L3MBTL4: variants seen among roughly 807,000 people sequenced by gnomAD.
The protein encoded by L3MBTL4 is lethal(3)malignant brain tumor-like protein 4.
In L3MBTL4, 70 loss-of-function variants were observed where a neutral mutation model predicts 84.5. The observed-to-expected ratio is 0.83, with a 90% CI of 0.68 to 1.01. The LOEUF (loss-of-function observed/expected upper bound fraction) is 1.01, where lower values mean the gene tolerates loss of function less well. Among genes scored for constraint, L3MBTL4 ranks in the 50% least tolerant of loss-of-function variants. L3MBTL4 has a pLI of 0.00. For missense variants in L3MBTL4, 715 were observed against 754.8 expected, an observed-to-expected ratio of 0.95 and a Z score of 0.62; for synonymous variants, 274 against 259.8, an observed-to-expected ratio of 1.05 and a Z score of -0.52.
upstream of L3MBTL4, chr18:6,414,928 G>C (rs1465803294): frequency 2.0e-5 from 3 of 149,758 alleles, no homozygotes; most frequent in Admixed American, 6.6e-5. The surrounding 1 kb of genome is among the most constrained non-coding windows in gnomAD (Gnocchi z 5.4). Flanking sequence ...AGGGGCGCGA[G>C]GGTGCACGCG....
chr18:6,139,824 G>T (rs1173741722), intron 13 of L3MBTL4, among the ~76,000 whole-genome samples: 1 of 152,086 alleles, frequency 6.6e-6, no homozygotes, highest in Non-Finnish European at 1.5e-5. Context: ...CCTCCTCAGG[G>T]CCACACCTCT....
chr18:6,347,482 A>AAT lies in L3MBTL4; in HGVS notation c.-90-35428_-90-35427dup, dbSNP rs368663873. Among the ~76,000 whole-genome samples, 655 of 151,458 alleles carry AAT rather than the reference A, an allele frequency of 4.3e-3. 2 individuals are homozygous for AAT. Among genetic ancestry groups the AAT allele is most frequent in the Non-Finnish European group, 7.3e-3 (491 of 67,720 alleles). On this transcript the variant is annotated intron_variant, in intron 1 of 18. Transcript: ENST00000317931. The stretch of plus-strand genomic sequence containing the variant: ...ATATTCTCCAAACTCATCAAGATAT[A>AAT]ATATATATATATCTTTTTATATGTC...
At chr18:6,053,802 G>T (rs2056920157) in intron 16 of L3MBTL4, among the ~76,000 whole-genome samples, 1 of 152,088 alleles carries the variant, frequency 6.6e-6, no homozygotes, top group Admixed American at 6.6e-5. Context: ...ATTTTAAGTT[G>T]ATGGGAAGTT....
chr18:6,028,436 T>C (rs900342000), intron 16 of L3MBTL4, among the ~76,000 whole-genome samples: 1 of 152,240 alleles, frequency 6.6e-6, no homozygotes. Context: ...TCAGTTACTG[T>C]AGCCTTGCAG....
At position 6,311,561 on chromosome 18, in the gene L3MBTL4, C is replaced by T; in HGVS notation, c.65G>A (p.Gly22Glu). The change falls in exon 3 of 19, where the codon GGA (glycine) becomes GAA (glutamate). Residue 22 changes from glycine (G) to glutamate (E), a missense_variant. Transcript: ENST00000317931. ...MDSKERLDQDGRLEQAEEEKK... is the reference protein window; with the variant it reads ...MDSKERLDQDERLEQAEEEKK... ...CAGGGATGGACATCTTACCAAGCGT[C>T]CGTCCTGATCCAAACGCTCTTTGGA... The T allele has an allele frequency of 6.2e-7, 1 of 1,612,984 alleles. No individual in the cohort carries two copies. Among genetic ancestry groups the T allele is most frequent in the Non-Finnish European group, 8.5e-7 (1 of 1,179,544 alleles).
At chr18:6,082,145 G>A (rs1302102494) in intron 15 of L3MBTL4, among the ~76,000 whole-genome samples, 1 of 152,090 alleles carries the variant, frequency 6.6e-6, no homozygotes, top group African/African-American at 2.4e-5. Flanking sequence ...CACAGTACCT[G>A]CCTCACTGGG....
At chr18:6,189,476 T>A (rs111274650) in intron 12 of L3MBTL4, among the ~76,000 whole-genome samples, 520 of 152,240 alleles carry the variant, frequency 3.4e-3, no homozygotes, top group African/African-American at 0.012. Context: ...TGCAGTCTCT[T>A]TGGCTCTTTT....
At chr18:6,375,122 C>T (rs996982760) in intron 1 of L3MBTL4, among the ~76,000 whole-genome samples, 1 of 152,168 alleles carries the variant, frequency 6.6e-6, no homozygotes, top group Non-Finnish European at 1.5e-5. Context: ...CAAACCCTGA[C>T]TCACAGGTGC....
chr18:6,276,563 T>A (rs980847923), intron 4 of L3MBTL4, among the ~76,000 whole-genome samples: 3 of 151,788 alleles, frequency 2.0e-5, no homozygotes. Context: ...ATGAGGACAG[T>A]ATTCATCCAG....
intron 12 of L3MBTL4, among the ~76,000 whole-genome samples, chr18:6,212,158 T>C (rs533045965): frequency 5.9e-5 from 9 of 152,320 alleles, no homozygotes; most frequent in Non-Finnish European, 1.0e-4. Flanking sequence ...GAATATTATT[T>C]AACATAGTTT....
At chr18:6,153,635 C>T (rs1385327127) in intron 13 of L3MBTL4, among the ~76,000 whole-genome samples, 1 of 151,738 alleles carries the variant, frequency 6.6e-6, no homozygotes, top group Admixed American at 6.6e-5. Context: ...GCTCGGTGTC[C>T]CCACCCAAAT....
intron 10 of L3MBTL4, among the ~76,000 whole-genome samples, chr18:6,217,491 T>C (rs748086011): frequency 1.1e-4 from 17 of 152,266 alleles, no homozygotes; most frequent in Non-Finnish European, 1.9e-4. Context: ...TATTCCATTA[T>C]GTGAGTATTT....
In L3MBTL4 at chr18:6,301,910, C is replaced by T. The variant is rs374007132; in HGVS notation, c.120G>A (p.Leu40=). ...EKKPKDSTTP[L]SHVPSAAAQG... ...AATATTGGTGATAATTACCGTGACT[C>T]AAAGGGGTTGTGCTATCCTTGGGCT... The change falls in exon 4 of 19, where the codon TTG becomes TTA. Residue 40 remains leucine, a synonymous_variant. Transcript: ENST00000317931. 6 of 1,612,804 alleles carry T rather than the reference C, an allele frequency of 3.7e-6. No individual in the cohort carries two copies. The highest frequency in any genetic ancestry group is 1.6e-4 in the Middle Eastern group (1 of 6,062).
chr18:6,261,753 C>CAGGT (rs1218557084), intron 5 of L3MBTL4, among the ~76,000 whole-genome samples: 1 of 152,160 alleles, frequency 6.6e-6, no homozygotes, highest in African/African-American at 2.4e-5. Context: ...CTCAATCCTG[C>CAGGT]AGGTGTTCTT....
intron 1 of L3MBTL4, among the ~76,000 whole-genome samples, chr18:6,373,234 G>A (rs2054231139): frequency 6.6e-6 from 1 of 152,196 alleles, no homozygotes; most frequent in African/African-American, 2.4e-5. Context: ...TCCGTGCTGG[G>A]AACTGGAGAG....
At chr18:5,976,608 G>A (rs1007140170) in intron 16 of L3MBTL4, among the ~76,000 whole-genome samples, 9 of 152,150 alleles carry the variant, frequency 5.9e-5, no homozygotes, top group South Asian at 2.1e-4. Flanking sequence ...CTAGAGGAGC[G>A]GAAGAGTCTG....
rs1339977529 is a variant in L3MBTL4, at chr18:6,093,506, C to G, written c.1222G>C (p.Asp408His). The G allele has an allele frequency of 6.2e-7, 1 of 1,613,352 alleles. No homozygotes were observed. The highest frequency in any genetic ancestry group is 1.1e-5 in the South Asian group (1 of 90,874). ...HHSAFGCPYS[D>H]MNLKKEATLH... Reference sequence around the variant, plus strand: ...GTTGCCTCCTTTTTCAAGTTCATGTCTGAATACGGGCAGCCAAAAGCACTG... The same window carrying G: ...GTTGCCTCCTTTTTCAAGTTCATGTGTGAATACGGGCAGCCAAAAGCACTG... The change falls in exon 15 of 19, where the codon GAC becomes CAC. Residue 408 changes from aspartate (D) to histidine (H), a missense_variant. Asp to His is a moderately conservative substitution (Grantham distance 81). Coordinates refer to ENST00000317931, the MANE Select transcript of L3MBTL4 (RefSeq NM_001330559.2).
intron 14 of L3MBTL4, among the ~76,000 whole-genome samples, chr18:6,122,073 T>A (rs1400414745): frequency 6.6e-6 from 1 of 152,180 alleles, no homozygotes; most frequent in Non-Finnish European, 1.5e-5. Flanking sequence ...GAAGACACTA[T>A]CTGTCCAAGG....
At chr18:6,274,839 T>C (rs1341140543) in intron 4 of L3MBTL4, among the ~76,000 whole-genome samples, 1 of 152,092 alleles carries the variant, frequency 6.6e-6, no homozygotes, top group African/African-American at 2.4e-5. Context: ...GCTGTGAGGA[T>C]TGACAGGAGC....
Sources: gnomAD v4.1 joint callset for allele counts (sites outside exome capture counted in the v4.1 genomes callset) on GRCh38, gnomAD v4.1.1 for gene constraint, Gnocchi (gnomAD v3.1) non-coding constraint, MANE v1.5 for transcripts, NCBI Gene and HGNC (gene_info 2026-07-23, HGNC 2026-07-21) for gene names.